The following CLCN4 variants were observed in gnomAD, a reference collection of about 807,000 sequenced individuals.
The protein encoded by CLCN4 is H(+)/Cl(-) exchange transporter 4.
Under a neutral mutation model 41.7 loss-of-function variants are expected in CLCN4, and 1 was observed. That is an observed-to-expected ratio of 0.02 (90% CI 0.01 to 0.11). The LOEUF (loss-of-function observed/expected upper bound fraction) is 0.11, where lower values mean the gene tolerates loss of function less well. Among genes scored for constraint, CLCN4 ranks in the 10% least tolerant of loss-of-function variants. The pLI is 1.00. For synonymous variants in CLCN4, 277 were observed against 285.8 expected (o/e 0.97, Z 0.31); for missense variants, 287 against 661.0 (o/e 0.43, Z 6.20).
intron 12 of CLCN4, among the ~76,000 whole-genome samples, chrX:10,232,861 A>G (rs1925159215): frequency 9.0e-6 from 1 of 111,193 alleles, no homozygotes; most frequent in Non-Finnish European, 1.9e-5. Flanking sequence ...TTTGGAAGAG[A>G]AGGCAATTTA....
chrX:10,163,463 A>G (rs1299036811), intron 2 of CLCN4, among the ~76,000 whole-genome samples: 3 of 105,356 alleles, frequency 2.8e-5, no homozygotes, highest in Non-Finnish European at 5.8e-5. Flanking sequence ...GCCGGAGTGC[A>G]GTGGCTTGAT....
intron 3 of CLCN4, 91 bp from the exon 4 acceptor site, chrX:10,187,424 A>T (rs968743906): frequency 5.3e-5 from 34 of 642,148 alleles, no homozygotes; most frequent in African/African-American, 5.0e-4. Context: ...TATTTTCTTA[A>T]TTACCCTGTT....
At chrX:10,170,773 A>C (rs1013154961) in intron 2 of CLCN4, among the ~76,000 whole-genome samples, 12 of 112,696 alleles carry the variant, frequency 1.1e-4, no homozygotes, top group African/African-American at 3.5e-4. Context: ...AGCCTAGGAC[A>C]GGCCATTTTA....
intron 2 of CLCN4, among the ~76,000 whole-genome samples, chrX:10,170,972 C>T (rs947045327): frequency 1.8e-5 from 2 of 112,527 alleles, no homozygotes; most frequent in African/African-American, 6.5e-5. Context: ...GCAACCTCCG[C>T]CTCCCGGGTT....
chrX:10,223,498 T>C (rs146638616), intron 12 of CLCN4, among the ~76,000 whole-genome samples: 366 of 112,022 alleles, frequency 3.3e-3, no homozygotes, highest in South Asian at 5.9e-3. Flanking sequence ...GGGATGCTTG[T>C]CTGCGGGGCC....
intron 11 of CLCN4, among the ~76,000 whole-genome samples, chrX:10,216,013 CTGGTGGAGAAATACAGGTGCAT>C (rs1425078463): frequency 3.6e-5 from 4 of 111,692 alleles, no homozygotes. Context: ...CCCCTGTACT[CTGGTGGAGAAATACAGGTGCAT>C]GACCTGTATT....
chrX:10,210,956 CT>C lies in CLCN4; in HGVS notation c.1390-1493del, dbSNP rs779318421. Among the ~76,000 whole-genome samples the C allele has an allele frequency of 4.3e-3, 373 of 86,521 alleles. 1 individual carries two copies. Among genetic ancestry groups the C allele is most frequent in the Middle Eastern group, 0.011 (2 of 174 alleles). The allele number at this position is 86,521 out of a possible 115,157, so 75.1% of individuals were successfully genotyped here. A position where few individuals can be genotyped will look rare whatever the true frequency, so the allele number is the denominator to read the frequency against. ...AGCCATCACACCCAGCCTGAATTGT[CT>C]TTTTTTTTTTTTTTTTTAAATTTAA... On this transcript the variant is annotated intron_variant, in intron 9 of 12. Coordinates refer to ENST00000380833, the MANE Select transcript of CLCN4 (RefSeq NM_001830.4).
At chrX:10,210,457 A>G (rs1032642551) in intron 9 of CLCN4, among the ~76,000 whole-genome samples, 2 of 110,265 alleles carry the variant, frequency 1.8e-5, no homozygotes, top group African/African-American at 3.3e-5. Context: ...TTCCATTACT[A>G]TTGCTTTCTG....
At chrX:10,178,643 T>C (rs1266808967) in intron 2 of CLCN4, among the ~76,000 whole-genome samples, 2 of 111,805 alleles carry the variant, frequency 1.8e-5, no homozygotes, top group African/African-American at 6.5e-5. Flanking sequence ...TTCCTGTGAT[T>C]ATGCCTGACT....
chrX:10,208,332 T>C lies in CLCN4; in HGVS notation c.1131T>C (p.Thr377=), dbSNP rs1461063691. 8.3e-7 allele frequency: 1 copy of C among 1,210,851 alleles called. No individual in the cohort carries two copies. Among genetic ancestry groups the C allele is most frequent in the Admixed American group, 2.2e-5 (1 of 45,903 alleles). The change falls in exon 9 of 13, where the codon ACT becomes ACC. Residue 377 remains threonine, a synonymous_variant. Transcript: ENST00000380833. ...KYPVLEVIVV[T]AITAIIAYPN... is the part of the protein sequence containing the mutation. ...CGGTGCTGGAGGTCATTGTGGTGAC[T>C]GCCATCACTGCCATCATTGCCTACC...
chrX:10,178,830 C>A (rs1923600787), intron 2 of CLCN4, among the ~76,000 whole-genome samples: 1 of 111,370 alleles, frequency 9.0e-6, no homozygotes, highest in African/African-American at 3.3e-5. Flanking sequence ...AAAAAACAAA[C>A]AAAAAACAAC....
intron 12 of CLCN4, among the ~76,000 whole-genome samples, chrX:10,231,658 A>G (rs1602169744): frequency 8.9e-6 from 1 of 112,027 alleles, no homozygotes; most frequent in Non-Finnish European, 1.9e-5. Context: ...TCAGTTTGGC[A>G]TAAGTCGTTT....
chrX:10,200,576 G>T (rs1352324908), intron 6 of CLCN4, among the ~76,000 whole-genome samples: 2 of 112,445 alleles, frequency 1.8e-5, no homozygotes, highest in Non-Finnish European at 3.8e-5. Context: ...CAGGGAGTTC[G>T]AATATCAGTT....
chrX:10,186,414 G>T (rs1019155820), intron 3 of CLCN4, among the ~76,000 whole-genome samples: 1 of 111,437 alleles, frequency 9.0e-6, no homozygotes, highest in African/African-American at 3.3e-5. Context: ...TGTGACAAGA[G>T]GGGACCCTGC....
At chrX:10,203,585 G>C (rs916445157) in intron 6 of CLCN4, among the ~76,000 whole-genome samples, 3 of 111,622 alleles carry the variant, frequency 2.7e-5, no homozygotes, top group Admixed American at 9.5e-5. Flanking sequence ...AGTGTTTCAC[G>C]GCTCTCCCTT....
chrX:10,175,970 CTG>C (rs1207326766), intron 2 of CLCN4, among the ~76,000 whole-genome samples: 23 of 68,504 alleles, frequency 3.4e-4, no homozygotes, highest in African/African-American at 8.9e-4. Flanking sequence ...CTCTCTCTCT[CTG>C]TGTGTGTGTG....
At chrX:10,176,298 G>A (rs931922637) in intron 2 of CLCN4, among the ~76,000 whole-genome samples, 40 of 112,410 alleles carry the variant, frequency 3.6e-4, no homozygotes, top group African/African-American at 1.2e-3. Flanking sequence ...GCAAAGCACA[G>A]CCTGCAGGCC....
At chrX:10,183,933 C>T (rs192168107) in intron 2 of CLCN4, among the ~76,000 whole-genome samples, 51 of 112,366 alleles carry the variant, frequency 4.5e-4, no homozygotes, top group African/African-American at 1.6e-3. Flanking sequence ...GCTCTTGGCT[C>T]GCGGCAGGTT....
chrX:10,185,140 A>G lies in CLCN4; in HGVS notation c.108A>G (p.Leu36=), dbSNP rs1602145175. The G allele has an allele frequency of 3.3e-6, 4 of 1,208,019 alleles. No individual in the cohort carries two copies. Among genetic ancestry groups the G allele is most frequent in the Non-Finnish European group, 4.5e-6 (4 of 893,088 alleles). The part of the protein sequence containing the change: ...TYEDFHTIDW[L]REKSRDTDRH... ...AGGACTTCCACACCATCGACTGGCTAAGGGAAAAGTCACGGGACACCGACA... is the reference window on the plus strand; with the variant it reads ...AGGACTTCCACACCATCGACTGGCTGAGGGAAAAGTCACGGGACACCGACA... Residue 36 remains leucine (L), a synonymous_variant, in exon 3 of 13, where the codon CTA becomes CTG. Transcript: ENST00000380833.
Sources: allele counts gnomAD v4.1 joint callset (sites outside exome capture counted in the v4.1 genomes callset), GRCh38; gene constraint gnomAD v4.1.1; transcripts MANE v1.5; gene names NCBI Gene and HGNC (gene_info 2026-07-23, HGNC 2026-07-21).